The following KHDRBS2 variants were observed in gnomAD, a reference collection of about 807,000 sequenced individuals.
KHDRBS2 encodes KH domain-containing, RNA-binding, signal transduction-associated protein 2.
In KHDRBS2, 26 loss-of-function variants were observed where a neutral mutation model predicts 44.3. The observed-to-expected ratio is 0.59, with a 90% CI of 0.43 to 0.81. KHDRBS2 has a LOEUF of 0.81. KHDRBS2 is among the 40% of genes least tolerant of loss of function. The probability of loss-of-function intolerance (pLI) is 0.00; values close to 1 mark genes in which losing one functional copy is unlikely to be tolerated. For missense variants in KHDRBS2, 476 were observed against 433.1 expected (o/e 1.10, Z -0.88); for synonymous variants, 194 against 151.1 (o/e 1.28, Z -2.08).
At chr6:61,663,798 T>C in the KHDRBS2 span, among the ~76,000 whole-genome samples, 1 of 151,566 alleles carries the variant, frequency 6.6e-6, no homozygotes, top group African/African-American at 2.4e-5. Flanking sequence ...TGAATAAACT[T>C]TAAGATGTCA....
intron 3 of KHDRBS2, among the ~76,000 whole-genome samples, chr6:62,041,760 A>T (rs942923679): frequency 4.2e-4 from 64 of 152,252 alleles, no homozygotes; most frequent in African/African-American, 1.5e-3. Context: ...GAATAAAATC[A>T]GATGAGAGGA....
chr6:61,656,277 C>T, the KHDRBS2 span, among the ~76,000 whole-genome samples: 1 of 151,936 alleles, frequency 6.6e-6, no homozygotes, highest in Admixed American at 6.6e-5. Context: ...ATAGAATATA[C>T]TTATTGAGAA....
the KHDRBS2 span, among the ~76,000 whole-genome samples, chr6:61,669,766 A>G: frequency 6.0e-5 from 9 of 150,996 alleles, no homozygotes; most frequent in Admixed American, 6.0e-4. Context: ...TAAGAAATTT[A>G]AGCTTGAAAA....
chr6:61,953,621 G>A (rs1382772280), intron 4 of KHDRBS2, among the ~76,000 whole-genome samples: 2 of 152,030 alleles, frequency 1.3e-5, no homozygotes, highest in Non-Finnish European at 2.9e-5. Context: ...AAACAAAGTT[G>A]TAAAAATATA....
the KHDRBS2 span, among the ~76,000 whole-genome samples, chr6:61,673,303 C>G: frequency 6.6e-6 from 1 of 151,610 alleles, no homozygotes; most frequent in African/African-American, 2.4e-5. Context: ...TATGACAAAC[C>G]CACAGTCAAT....
intron 1 of KHDRBS2, among the ~76,000 whole-genome samples, chr6:62,239,138 G>C (rs1261080021): frequency 3.9e-5 from 6 of 152,130 alleles, no homozygotes; most frequent in African/African-American, 7.2e-5. Context: ...TGAATTTCTT[G>C]GTTATCATAG....
At chr6:61,895,781 A>G (rs1471820123) in intron 5 of KHDRBS2, among the ~76,000 whole-genome samples, 3 of 152,190 alleles carry the variant, frequency 2.0e-5, no homozygotes, top group Non-Finnish European at 4.4e-5. Context: ...GGGGAAAAAA[A>G]TGATGATCAT....
intron 6 of KHDRBS2, among the ~76,000 whole-genome samples, chr6:61,761,902 T>C (rs965905735): frequency 6.6e-6 from 1 of 152,190 alleles, no homozygotes; most frequent in Non-Finnish European, 1.5e-5. Context: ...TTTTCTGTAA[T>C]ATCTGTTATT....
At chr6:62,034,871 G>A (rs1200539291) in intron 3 of KHDRBS2, among the ~76,000 whole-genome samples, 9 of 151,768 alleles carry the variant, frequency 5.9e-5, no homozygotes, top group East Asian at 1.9e-4. Flanking sequence ...AGTAGCAAAC[G>A]AATATATGAA....
chr6:61,976,498 T>C (rs1039240508), intron 4 of KHDRBS2, among the ~76,000 whole-genome samples: 12 of 152,036 alleles, frequency 7.9e-5, no homozygotes, highest in African/African-American at 2.9e-4. Context: ...GATATACATA[T>C]CAATTAATAA....
At chr6:61,747,934 A>G (rs1777098377) in intron 6 of KHDRBS2, among the ~76,000 whole-genome samples, 1 of 152,178 alleles carries the variant, frequency 6.6e-6, no homozygotes, top group Non-Finnish European at 1.5e-5. Context: ...ATAAAAAAGT[A>G]TTTTGATATT....
intron 1 of KHDRBS2, among the ~76,000 whole-genome samples, chr6:62,214,668 G>C (rs1265584543): frequency 1.3e-5 from 2 of 152,042 alleles, no homozygotes; most frequent in South Asian, 2.1e-4. Flanking sequence ...ATCTGAAAGG[G>C]AGACCTAGGA....
At chr6:61,929,819 A>C (rs1305563625) in intron 4 of KHDRBS2, among the ~76,000 whole-genome samples, 2 of 152,230 alleles carry the variant, frequency 1.3e-5, no homozygotes, top group Admixed American at 1.3e-4. Context: ...CAAAATTGTT[A>C]GATGAAGTTG....
At chr6:62,241,883 T>C (rs1488182187) in intron 1 of KHDRBS2, among the ~76,000 whole-genome samples, 1 of 152,142 alleles carries the variant, frequency 6.6e-6, no homozygotes, top group African/African-American at 2.4e-5. Flanking sequence ...TTTTGCTGCA[T>C]TGGTCTTCTG....
chr6:62,121,762 G>T (rs2150083008), intron 2 of KHDRBS2, among the ~76,000 whole-genome samples: 1 of 152,260 alleles, frequency 6.6e-6, no homozygotes, highest in South Asian at 2.1e-4. Flanking sequence ...TATGCTGATT[G>T]GATCTAGTGA....
intron 3 of KHDRBS2, among the ~76,000 whole-genome samples, chr6:62,002,898 T>A (rs1778518658): frequency 6.6e-6 from 1 of 152,076 alleles, no homozygotes; most frequent in Admixed American, 6.6e-5. Flanking sequence ...AATAATAACA[T>A]GCAATTTAGA....
chr6:61,976,958 C>T (rs895184549), intron 4 of KHDRBS2, among the ~76,000 whole-genome samples: 77 of 152,036 alleles, frequency 5.1e-4, no homozygotes, highest in African/African-American at 1.7e-3. Flanking sequence ...ATTCAGTGTG[C>T]ATATGAAGTT....
intron 6 of KHDRBS2, among the ~76,000 whole-genome samples, chr6:61,733,251 A>G (rs1774776022): frequency 6.6e-6 from 1 of 152,136 alleles, no homozygotes; most frequent in Admixed American, 6.5e-5. Context: ...TAAATAAATA[A>G]ATAAAAGAAA....
intron 3 of KHDRBS2, among the ~76,000 whole-genome samples, chr6:62,018,311 G>A (rs1249282864): frequency 3.1e-4 from 2 of 6,458 alleles, no homozygotes; most frequent in Non-Finnish European, 1.6e-3. Context: ...GTGTGTGTGT[G>A]TGTGTGTGTG....
Sources: gnomAD v4.1 joint callset for allele counts (sites outside exome capture counted in the v4.1 genomes callset) on GRCh38, gnomAD v4.1.1 for gene constraint, MANE v1.5 for transcripts, NCBI Gene and HGNC (gene_info 2026-07-23, HGNC 2026-07-21) for gene names.